OSBP2: variants seen among roughly 807,000 people sequenced by gnomAD.
OSBP2 encodes oxysterol-binding protein 2.
Under a neutral mutation model 96.0 loss-of-function variants are expected in OSBP2, and 66 were observed. The ratio of observed to expected loss-of-function variants is 0.69; its 90% CI spans 0.56 to 0.84. The LOEUF (loss-of-function observed/expected upper bound fraction) is 0.84. Ranked by LOEUF, OSBP2 falls within the 40% of genes least tolerant of loss-of-function variation. The pLI is 0.00. For synonymous variants in OSBP2, 525 were observed against 520.9 expected (o/e 1.01, Z -0.11); for missense variants, 1,038 against 1,222.7 (o/e 0.85, Z 2.25).
intron 6 of OSBP2, 73 bp downstream of exon 6, chr22:30,889,307 C>T: frequency 6.7e-7 from 1 of 1,499,896 alleles, no homozygotes; most frequent in South Asian, 1.2e-5. Context: ...CAGGCCAGCA[C>T]CAAGAACTGG....
At chr22:30,829,417 C>T (rs1048076626) in intron 2 of OSBP2, among the ~76,000 whole-genome samples, 1 of 152,186 alleles carries the variant, frequency 6.6e-6, no homozygotes, top group Non-Finnish European at 1.5e-5. Context: ...ATCAGCCTCC[C>T]GAGTAGCTGG....
At chr22:30,737,107 C>T (rs888855334) in intron 1 of OSBP2, among the ~76,000 whole-genome samples, 1 of 152,166 alleles carries the variant, frequency 6.6e-6, no homozygotes, top group East Asian at 1.9e-4. Flanking sequence ...CCTCTGCCTC[C>T]TGGATTCAAG....
intron 2 of OSBP2, among the ~76,000 whole-genome samples, chr22:30,856,540 C>T (rs1432217606): frequency 4.0e-5 from 6 of 151,840 alleles, no homozygotes; most frequent in African/African-American, 1.2e-4. Context: ...GCATGCGCCA[C>T]CATGCCTGAC....
intron 2 of OSBP2, among the ~76,000 whole-genome samples, chr22:30,866,715 C>A (rs576206812): frequency 1.3e-5 from 2 of 150,944 alleles, no homozygotes; most frequent in Middle Eastern, 3.2e-3. Flanking sequence ...CCAGCCTGGG[C>A]GACAGCGCGA....
At chr22:30,727,572 C>T (rs1182557481) in intron 1 of OSBP2, among the ~76,000 whole-genome samples, 1 of 152,152 alleles carries the variant, frequency 6.6e-6, no homozygotes, top group East Asian at 1.9e-4. Flanking sequence ...AGAGAGGACA[C>T]TGATACCTGG....
At chr22:30,720,789 T>C (rs2089536083) in intron 1 of OSBP2, among the ~76,000 whole-genome samples, 3 of 152,218 alleles carry the variant, frequency 2.0e-5, no homozygotes, top group African/African-American at 7.2e-5. Flanking sequence ...CCCATATTCC[T>C]GTTTAACAGG....
intron 2 of OSBP2, chr22:30,844,837 C>T (rs2038836182): frequency 6.6e-6 from 1 of 152,184 alleles, no homozygotes; most frequent in Non-Finnish European, 1.5e-5. Context: ...CCTCACTAAG[C>T]TTACTGGTTT....
intron 2 of OSBP2, among the ~76,000 whole-genome samples, chr22:30,767,501 C>T (rs1458783538): frequency 6.6e-6 from 1 of 151,716 alleles, no homozygotes; most frequent in Non-Finnish European, 1.5e-5. Context: ...CATAGCATCC[C>T]ATTTGTTAAC....
intron 2 of OSBP2, among the ~76,000 whole-genome samples, chr22:30,781,222 T>A (rs947324424): frequency 3.3e-5 from 5 of 151,216 alleles, no homozygotes; most frequent in Non-Finnish European, 5.9e-5. Context: ...CCTCAGGTGA[T>A]CCACCCACCT....
chr22:30,743,008 A>C lies in OSBP2; in HGVS notation c.853+1639A>C, dbSNP rs2089959619. Reference sequence around the variant, plus strand: ...CCTTGCCTGCCCAGAGCTACAGTAAATGTTTCTGATGGTTGAAAAATGTGT... The same window carrying C: ...CCTTGCCTGCCCAGAGCTACAGTAACTGTTTCTGATGGTTGAAAAATGTGT... On this transcript the variant is annotated intron_variant, in intron 2 of 13. Coordinates refer to ENST00000332585, the MANE Select transcript of OSBP2 (RefSeq NM_030758.4). Among the ~76,000 whole-genome samples, 4 of 152,266 alleles carry C rather than the reference A, an allele frequency of 2.6e-5. No individual in the cohort carries two copies. In the South Asian group the frequency reaches 8.3e-4, roughly 32 times the overall value.
At chr22:30,791,321 C>CTTTTTTTTTT (rs869143598) in intron 2 of OSBP2, among the ~76,000 whole-genome samples, 2 of 63,998 alleles carry the variant, frequency 3.1e-5, no homozygotes, top group Non-Finnish European at 5.6e-5. Context: ...GGGGATTCTT[C>CTTTTTTTTTT]TTTTTTTTTT....
At chr22:30,761,623 GC>G (rs1252262534) in intron 2 of OSBP2, among the ~76,000 whole-genome samples, 1 of 152,062 alleles carries the variant, frequency 6.6e-6, no homozygotes, top group African/African-American at 2.4e-5. Flanking sequence ...AATTAGACTA[GC>G]TAAAGCAACT....
At chr22:30,864,031 C>T (rs1358346686) in intron 2 of OSBP2, among the ~76,000 whole-genome samples, 1 of 151,092 alleles carries the variant, frequency 6.6e-6, no homozygotes, top group Non-Finnish European at 1.5e-5. Context: ...AGTGCAGTGG[C>T]ACAATCTCAG....
At chr22:30,904,672 G>A in intron 12 of OSBP2, among the ~76,000 whole-genome samples, 1 of 152,150 alleles carries the variant, frequency 6.6e-6, no homozygotes, top group Non-Finnish European at 1.5e-5. Flanking sequence ...AACAAGGCCT[G>A]CTGGACAGTT....
At chr22:30,730,768 CTCTCTCTATATATA>C (rs1273769869) in intron 1 of OSBP2, among the ~76,000 whole-genome samples, 3 of 32,562 alleles carry the variant, frequency 9.2e-5, no homozygotes, top group African/African-American at 3.5e-4. Flanking sequence ...CTCTCTCTCT[CTCTCTCTATATATA>C]TATATATATA....
At chr22:30,882,523 T>G (rs544189685) in intron 3 of OSBP2, among the ~76,000 whole-genome samples, 1 of 121,906 alleles carries the variant, frequency 8.2e-6, no homozygotes, top group African/African-American at 3.1e-5. Flanking sequence ...AAAAAAAAAA[T>G]CTACCTCAGT....
chr22:30,895,969 G>C (rs893781867), intron 12 of OSBP2, among the ~76,000 whole-genome samples: 2 of 151,750 alleles, frequency 1.3e-5, no homozygotes, highest in African/African-American at 4.8e-5. Flanking sequence ...AGGGGAGGAT[G>C]GGGGGAGCAA....
chr22:30,715,464 C>A (rs191780934), intron 1 of OSBP2, among the ~76,000 whole-genome samples: 3 of 151,144 alleles, frequency 2.0e-5, no homozygotes, highest in African/African-American at 2.4e-5. Context: ...GCAGCCCCAA[C>A]CTCTGGGGCT....
chr22:30,828,254 G>A (rs1272494151), intron 2 of OSBP2, among the ~76,000 whole-genome samples: 2 of 152,208 alleles, frequency 1.3e-5, no homozygotes, highest in African/African-American at 4.8e-5. Flanking sequence ...TGTCTTTTCC[G>A]TTAGGCAGAA....
Sources: allele counts gnomAD v4.1 joint callset (sites outside exome capture counted in the v4.1 genomes callset), GRCh38; gene constraint gnomAD v4.1.1; transcripts MANE v1.5; gene names NCBI Gene and HGNC (gene_info 2026-07-23, HGNC 2026-07-21).